TRNT1: variants seen among roughly 807,000 people sequenced by gnomAD.
TRNT1 encodes the protein tRNA nucleotidyl transferase 1, also known as CCA tRNA nucleotidyltransferase 1, mitochondrial.
Under a neutral mutation model 45.6 loss-of-function variants are expected in TRNT1, and 44 were observed. The observed-to-expected ratio is 0.97, with a 90% CI of 0.76 to 1.24. The LOEUF (loss-of-function observed/expected upper bound fraction) is 1.24. TRNT1 is among the 50% of genes most tolerant of loss of function. The pLI is 0.00. For synonymous variants in TRNT1, 201 were observed against 171.4 expected (o/e 1.17, Z -1.35); for missense variants, 633 against 504.4 (o/e 1.25, Z -2.44).
downstream of TRNT1, chr3:3,151,002 T>C (rs761596274): frequency 1.9e-6 from 3 of 1,613,856 alleles, no homozygotes; most frequent in Admixed American, 5.0e-5. Context: ...TTCCATCCAA[T>C]ATGGCTTGCA....
At chr3:3,133,751 G>A (rs1301204911) in intron 2 of TRNT1, among the ~76,000 whole-genome samples, 1 of 151,944 alleles carries the variant, frequency 6.6e-6, no homozygotes, top group Non-Finnish European at 1.5e-5. Flanking sequence ...AATATAGCAC[G>A]ATAGGGACAA....
At chr3:3,152,569 C>T (rs1218236414), downstream of TRNT1, 22 of 1,613,934 alleles carry the variant, frequency 1.4e-5, no homozygotes, top group African/African-American at 4.0e-5. Flanking sequence ...AAGCTGCCAT[C>T]GGCCCACATA....
intron 5 of TRNT1, 169 bp downstream of exon 5, chr3:3,144,879 A>G: frequency 2.2e-6 from 1 of 450,216 alleles, no homozygotes; most frequent in Non-Finnish European, 3.5e-6. Context: ...TTACTTAGCT[A>G]CTTCATATTG....
At chr3:3,152,598 G>T, downstream of TRNT1, 1 of 1,613,842 alleles carries the variant, frequency 6.2e-7, no homozygotes, top group Non-Finnish European at 8.5e-7. Flanking sequence ...CTAAAACAAA[G>T]AATCAACATG....
At chr3:3,129,222 A>C in intron 2 of TRNT1, 34 bp downstream of exon 2, 2 of 1,589,204 alleles carry the variant, frequency 1.3e-6, no homozygotes, top group Non-Finnish European at 8.6e-7. Flanking sequence ...TTGATTGGAA[A>C]CCTATATAAA....
chr3:3,143,979 A>G (rs1258854090), intron 4 of TRNT1, among the ~76,000 whole-genome samples: 1 of 152,214 alleles, frequency 6.6e-6, no homozygotes, highest in East Asian at 1.9e-4. Flanking sequence ...GAACTTTTAT[A>G]TATTATGGAA....
downstream of TRNT1, chr3:3,149,234 G>T (rs893013070): frequency 5.9e-5 from 9 of 152,144 alleles, no homozygotes; most frequent in Admixed American, 4.6e-4. Flanking sequence ...CTGCATACAG[G>T]TCAGTAATTA....
At chr3:3,135,379 T>G (rs548360772) in intron 2 of TRNT1, among the ~76,000 whole-genome samples, 74 of 152,102 alleles carry the variant, frequency 4.9e-4, no homozygotes, top group African/African-American at 1.8e-3. Context: ...GTGTTGTGAG[T>G]AGTTAGGAGG....
At chr3:3,143,318 CTAAT>C (rs1273567930) in intron 4 of TRNT1, among the ~76,000 whole-genome samples, 16 of 152,172 alleles carry the variant, frequency 1.1e-4, no homozygotes, top group African/African-American at 3.6e-4. Context: ...GGTCACTCTA[CTAAT>C]TAATACTTGA....
At chr3:3,135,774 T>C (rs1487872246) in intron 2 of TRNT1, among the ~76,000 whole-genome samples, 1 of 152,162 alleles carries the variant, frequency 6.6e-6, no homozygotes, top group Non-Finnish European at 1.5e-5. Flanking sequence ...TTTAGTTGAA[T>C]GCTCGTGTTG....
chr3:3,142,217 A>G (rs1705696659), intron 4 of TRNT1, among the ~76,000 whole-genome samples: 1 of 152,212 alleles, frequency 6.6e-6, no homozygotes, highest in Admixed American at 6.5e-5. Context: ...AAAGAGAGAA[A>G]CTAATACTCT....
chr3:3,145,176 T>A (rs1305716709), intron 5 of TRNT1: 1 of 152,820 alleles, frequency 6.5e-6, no homozygotes, highest in African/African-American at 2.4e-5. Flanking sequence ...ATACCTGTTA[T>A]ATGATTTAAA....
intron 2 of TRNT1, among the ~76,000 whole-genome samples, chr3:3,136,500 G>A (rs915593328): frequency 6.6e-6 from 1 of 152,144 alleles, no homozygotes; most frequent in Non-Finnish European, 1.5e-5. Context: ...TTAATCATAA[G>A]TGGTATAGAC....
intron 3 of TRNT1, among the ~76,000 whole-genome samples, chr3:3,138,368 A>G (rs1705450923): frequency 6.6e-6 from 1 of 152,306 alleles, no homozygotes; most frequent in East Asian, 1.9e-4. Context: ...GTCTAGTTCC[A>G]TTTAGATTTC....
At chr3:3,149,383 T>TTGTCA (rs1270181079), downstream of TRNT1, 1 of 152,164 alleles carries the variant, frequency 6.6e-6, no homozygotes, top group Non-Finnish European at 1.5e-5. Context: ...AGGTCTGGTT[T>TTGTCA]TGTCATGTGT....
chr3:3,143,871 A>G (rs1705815722), intron 4 of TRNT1, among the ~76,000 whole-genome samples: 1 of 152,236 alleles, frequency 6.6e-6, no homozygotes, highest in Admixed American at 6.5e-5. Flanking sequence ...GAACAAAAAA[A>G]GGATTTATGA....
intron 4 of TRNT1, among the ~76,000 whole-genome samples, chr3:3,143,636 G>T (rs1705800396): frequency 6.6e-6 from 1 of 152,198 alleles, no homozygotes; most frequent in Non-Finnish European, 1.5e-5. Flanking sequence ...CTAGCACTTT[G>T]GGAGGCTGAG....
chr3:3,138,827 G>T (rs1169317544), intron 3 of TRNT1, among the ~76,000 whole-genome samples: 1 of 152,122 alleles, frequency 6.6e-6, no homozygotes, highest in Non-Finnish European at 1.5e-5. Flanking sequence ...TAGTTATTTT[G>T]ACAGTGTCTT....
intron 2 of TRNT1, among the ~76,000 whole-genome samples, chr3:3,134,589 C>A (rs904377576): frequency 6.6e-6 from 1 of 152,112 alleles, no homozygotes; most frequent in African/African-American, 2.4e-5. Flanking sequence ...CCTTCTTCAT[C>A]CCACTGTTTA....
Sources: allele counts gnomAD v4.1 joint callset (sites outside exome capture counted in the v4.1 genomes callset), GRCh38; gene constraint gnomAD v4.1.1; transcripts MANE v1.5; gene names NCBI Gene and HGNC (gene_info 2026-07-23, HGNC 2026-07-21).